Variants in RASSF1 observed in about 807,000 individuals in gnomAD.
RASSF1 encodes Ras association domain family member 1.
A neutral mutation model predicts 34.3 loss-of-function variants in RASSF1; 33 were observed. The observed-to-expected ratio is 0.96, with a 90% CI of 0.73 to 1.29. The LOEUF is 1.29. Among genes scored for constraint, RASSF1 ranks in the 50% most tolerant of loss-of-function variants. The pLI, the probability that RASSF1 is intolerant of heterozygous loss-of-function variation, is 0.00. For synonymous variants in RASSF1, 191 were observed against 195.0 expected (o/e 0.98, Z 0.17); for missense variants, 445 against 471.8 (o/e 0.94, Z 0.53).
chr3:50,330,499 AGGCCCCACT>A lies in RASSF1; in HGVS notation c.*73_*81del. Reference sequence around the variant, plus strand: ...GGGCCTCCATGCACACTCATTCCACAGGCCCCACTGGCCCTGTCACACTCACACGGCACG... The same window carrying A: ...GGGCCTCCATGCACACTCATTCCACAGGCCCTGTCACACTCACACGGCACG... On this transcript the variant is annotated 3_prime_UTR_variant, in exon 6 of 6. Coordinates refer to ENST00000359365, the MANE Select transcript of RASSF1 (RefSeq NM_007182.5). This position sits in a 1 kb window ranked among gnomAD's most constrained non-coding sequence, Gnocchi z 4.5. The A allele has an allele frequency of 1.9e-6, 3 of 1,549,132 alleles. No individual in the cohort carries two copies. The highest frequency in any genetic ancestry group is 2.6e-6 in the Non-Finnish European group (3 of 1,132,574).
At chr3:50,337,668 C>T in intron 2 of RASSF1, 3 of 893,224 alleles carry the variant, frequency 3.4e-6, no homozygotes, top group Admixed American at 5.8e-5. Context: ...GGGAAGTGCG[C>T]GTGCGCGGAG....
intron 2 of RASSF1, chr3:50,337,546 C>CT (rs1296690456): frequency 6.7e-7 from 1 of 1,482,176 alleles, no homozygotes; most frequent in Admixed American, 2.1e-5. Flanking sequence ...GACCTCATCG[C>CT]TCCGGAGCTC....
At chr3:50,332,241 T>C in intron 2 of RASSF1, 87 bp from the exon 3 acceptor site, 3 of 1,136,826 alleles carry the variant, frequency 2.6e-6, no homozygotes, top group Non-Finnish European at 1.3e-6. Flanking sequence ...CTTTGGAAAC[T>C]GACTGCCTTT....
chr3:50,337,106 G>A, intron 2 of RASSF1: 3 of 1,485,644 alleles, frequency 2.0e-6, no homozygotes, highest in African/African-American at 1.4e-5. Context: ...ACGCGGCAAC[G>A]GACCGGGGAG....
At chr3:50,337,090 C>T in intron 2 of RASSF1, 1 of 1,457,402 alleles carries the variant, frequency 6.9e-7, no homozygotes. Context: ...TGCCCACCGA[C>T]CCAGGACGCG....
At chr3:50,332,299 A>G (rs1702980147) in intron 2 of RASSF1, 145 bp from the exon 3 acceptor site, 1 of 637,620 alleles carries the variant, frequency 1.6e-6, no homozygotes, top group East Asian at 2.7e-5. Context: ...CCCACCCTGA[A>G]CCCACCACTG....
At chr3:50,332,292 ACC>A in intron 2 of RASSF1, 138 bp from the exon 3 acceptor site, 1 of 650,736 alleles carries the variant, frequency 1.5e-6, no homozygotes, top group Non-Finnish European at 2.7e-6. Flanking sequence ...GCTGGTGCCC[ACC>A]CTGAACCCAC....
At chr3:50,337,107 G>A in intron 2 of RASSF1, 1 of 1,492,078 alleles carries the variant, frequency 6.7e-7, no homozygotes, top group Non-Finnish European at 8.9e-7. Context: ...CGCGGCAACG[G>A]ACCGGGGAGG....
In RASSF1 at chr3:50,331,753, C is replaced by T. The variant is rs751478417; in HGVS notation, c.566G>A (p.Arg189Gln). The T allele has an allele frequency of 1.0e-4, 169 of 1,610,196 alleles. 2 individuals carry two copies. Among genetic ancestry groups the T allele is most frequent in the Non-Finnish European group, 1.3e-4 (155 of 1,177,044 alleles). The change falls in exon 4 of 6, where the codon CGG (arginine) becomes CAG (glutamine). Residue 189 changes from arginine (R) to glutamine (Q), a missense_variant. Arg to Gln is a conservative substitution (Grantham distance 43). Transcript: ENST00000359365. ...SKKPPSLQDA[R>Q]RGPGRGTSVR... ...ACTTGTGCCCCGTCCTGGGCCCCGC[C>T]GGGCATCCTGCAAGGAGGGTGGCTT...
Position 50,337,209 on chromosome 3 carries a change from C to T in RASSF1, c.357+696G>A, listed in dbSNP as rs777460129. ...GCGGCCTGCGAGCTAGCGAGGTTCG[C>T]GCGGTGAAGTACTGCTCGAGCTCCG... On this transcript the variant is annotated intron_variant, in intron 2 of 5. Transcript: ENST00000359365. 2.5e-6 allele frequency: 4 copies of T among 1,612,746 alleles called. No homozygotes were observed. The South Asian group carries it at 3.3e-5, about 13-fold the overall frequency.
intron 2 of RASSF1, among the ~76,000 whole-genome samples, chr3:50,334,263 A>T (rs936750724): frequency 3.9e-5 from 6 of 152,044 alleles, no homozygotes; most frequent in African/African-American, 1.2e-4. Context: ...AAAAAGGTAA[A>T]GGGGGAGGGG....
Position 50,332,045 on chromosome 3 carries a change from C to T in RASSF1, c.462+5G>A. ...CCACGCCCCCTTCCTGAGCAGTCAA[C>T]TCACCAAGCTCATGAAGAGGTTGCT... On this transcript the variant is annotated splice_donor_5th_base_variant and intron_variant, in intron 3 of 5. Coordinates refer to ENST00000359365, the MANE Select transcript of RASSF1 (RefSeq NM_007182.5). The T allele has an allele frequency of 3.1e-6, 5 of 1,613,398 alleles. No individual in the cohort carries two copies. Among genetic ancestry groups the T allele is most frequent in the Non-Finnish European group, 3.4e-6 (4 of 1,179,366 alleles).
rs587717963 is a variant in RASSF1, at chr3:50,337,725, T to G, written c.357+180A>C. On this transcript the variant is annotated intron_variant, in intron 2 of 5. Coordinates refer to ENST00000359365, the MANE Select transcript of RASSF1 (RefSeq NM_007182.5). Reference sequence around the variant, plus strand: ...GTCCGCTTGCAGCGGGTGGAGTACTTGCGGAGCCGGCAATCCAGGCTCCCC... The same window carrying G: ...GTCCGCTTGCAGCGGGTGGAGTACTGGCGGAGCCGGCAATCCAGGCTCCCC... 5.9e-6 allele frequency: 5 copies of G among 849,252 alleles called. No individual in the cohort carries two copies. The African/African-American group carries it at 8.7e-5, about 15-fold the overall frequency. The allele number at this position is 849,252 out of a possible 1,614,324, so 52.6% of individuals were successfully genotyped here.
At chr3:50,336,967 A>C in intron 2 of RASSF1, 1 of 701,642 alleles carries the variant, frequency 1.4e-6, no homozygotes, top group Non-Finnish European at 2.3e-6. Context: ...ACAGAAACCA[A>C]GGGGGCCCCG....
At chr3:50,336,441 G>A (rs1490052667) in intron 2 of RASSF1, 4 of 152,206 alleles carry the variant, frequency 2.6e-5, no homozygotes, top group Admixed American at 2.0e-4. Context: ...ATACCTAGGA[G>A]GTTCCGAGAC....
chr3:50,335,313 CT>C (rs906428880), intron 2 of RASSF1, among the ~76,000 whole-genome samples: 5,727 of 107,880 alleles, frequency 0.053, 339 homozygotes, highest in East Asian at 0.41. Context: ...CCTATTCTTT[CT>C]TTTTTTTTTT....
chr3:50,339,521 A>T (rs1442210381), intron 1 of RASSF1, among the ~76,000 whole-genome samples: 1 of 151,262 alleles, frequency 6.6e-6, no homozygotes, highest in Non-Finnish European at 1.5e-5. Context: ...ACCCGCCACT[A>T]CGCCTGGCTC....
intron 2 of RASSF1, 85 bp downstream of exon 2, chr3:50,337,820 G>A: frequency 7.6e-7 from 1 of 1,309,076 alleles, no homozygotes; most frequent in Non-Finnish European, 1.1e-6. Flanking sequence ...CTCCTTGCGC[G>A]CGGCACCCAG....
At chr3:50,336,866 G>A (rs1287570177) in intron 2 of RASSF1, 3 of 411,776 alleles carry the variant, frequency 7.3e-6, no homozygotes, top group Non-Finnish European at 1.3e-5. Context: ...AGTCCAAACT[G>A]CTCGGTCGGC....
Sources: allele counts gnomAD v4.1 joint callset (sites outside exome capture counted in the v4.1 genomes callset), GRCh38; gene constraint gnomAD v4.1.1; non-coding constraint Gnocchi (gnomAD v3.1); transcripts MANE v1.5; gene names NCBI Gene and HGNC (gene_info 2026-07-23, HGNC 2026-07-21).